HK2: variants seen among roughly 807,000 people sequenced by gnomAD.
HK2 encodes the protein hexokinase 2.
In HK2, 42 loss-of-function variants were observed where a neutral mutation model predicts 92.9. The ratio of observed to expected loss-of-function variants is 0.45; its 90% CI spans 0.35 to 0.58. The LOEUF (loss-of-function observed/expected upper bound fraction) is 0.58. Ranked by LOEUF, HK2 falls within the 20% of genes least tolerant of loss-of-function variation. The probability of loss-of-function intolerance (pLI) is 0.00; values close to 1 mark genes in which losing one functional copy is unlikely to be tolerated. For synonymous variants in HK2, 422 were observed against 468.0 expected, an observed-to-expected ratio of 0.90 and a Z score of 1.27; for missense variants, 978 against 1,245.1, an observed-to-expected ratio of 0.79 and a Z score of 3.23.
intron 8 of HK2, among the ~76,000 whole-genome samples, chr2:74,877,888 T>C (rs1689272913): frequency 6.6e-6 from 1 of 152,214 alleles, no homozygotes; most frequent in Non-Finnish European, 1.5e-5. Flanking sequence ...GGGCCTCGTT[T>C]ACTGTTCTTG....
chr2:74,886,063 G>A (rs1689526446), intron 13 of HK2, among the ~76,000 whole-genome samples: 2 of 152,044 alleles, frequency 1.3e-5, no homozygotes, highest in East Asian at 1.9e-4. Flanking sequence ...AGTGAAGTGG[G>A]GTGAGGAGAG....
chr2:74,872,389 G>A lies in HK2; in HGVS notation c.465G>A (p.Ser155=), dbSNP rs61755708. The A allele has an allele frequency of 4.4e-4, 705 of 1,613,890 alleles. 1 individual carries two copies. The highest frequency in any genetic ancestry group is 4.1e-3 in the African/African-American group (307 of 75,006). Residue 155 remains serine (S), a synonymous_variant, in exon 4 of 18, where the codon TCG becomes TCA. Transcript: ENST00000290573. ...DKKLPLGFTF[S]FPCHQTKLDE... is the part of the protein sequence containing the mutation. ...AGCTCCCACTGGGTTTTACCTTCTC[G>A]TTCCCCTGCCACCAGACTAAACTAG...
chr2:74,866,054 C>G (rs997739778), intron 2 of HK2, among the ~76,000 whole-genome samples: 1 of 152,064 alleles, frequency 6.6e-6, no homozygotes. Flanking sequence ...GCTCCAGAGC[C>G]AGTCTCCGTG....
At chr2:74,883,813 A>G (rs529824614) in intron 12 of HK2, among the ~76,000 whole-genome samples, 2 of 152,370 alleles carry the variant, frequency 1.3e-5, no homozygotes, top group African/African-American at 4.8e-5. Flanking sequence ...CAAAGATATT[A>G]GAAACAAACT....
At chr2:74,872,455 C>G (rs1401666858) in intron 4 of HK2, 36 bp downstream of exon 4, 5 of 1,613,040 alleles carry the variant, frequency 3.1e-6, no homozygotes, top group Non-Finnish European at 4.2e-6. Flanking sequence ...TTGCTTCACT[C>G]TTGGGGCTGG....
rs1450816006 is a variant in HK2 at position 74,892,692 on chromosome 2, T to G, written c.*1751T>G. 6.6e-6 allele frequency: 1 copy of G among 152,220 alleles called. No individual in the cohort carries two copies. Among genetic ancestry groups the G allele is most frequent in the Non-Finnish European group, 1.5e-5 (1 of 68,046 alleles). 9.4% of individuals were successfully genotyped at this position (152,220 alleles called of 1,614,324 possible). A position where few individuals can be genotyped will look rare whatever the true frequency, so the allele number is the denominator to read the frequency against. On this transcript the variant is annotated 3_prime_UTR_variant, in exon 18 of 18. Transcript: ENST00000290573. ...AACTCACGATGAAATTGAACCTGGT[T>G]TTTGTATATTTATCAAACTTGTGCT...
In HK2 at chr2:74,886,111, A is replaced by G. The variant is rs1689528350; in HGVS notation, c.1936-183A>G. On this transcript the variant is annotated intron_variant, in intron 13 of 17. Transcript: ENST00000290573. ...GTGTGCTGGAAAGGGGCACTGTTAA[A>G]TAGCACAACTTGGGAGGGTCTCACC... Among the ~76,000 whole-genome samples, 4 of 152,270 alleles carry G rather than the reference A, an allele frequency of 2.6e-5. 1 individual carries two copies. In the South Asian group the frequency reaches 8.3e-4, roughly 32 times the overall value.
chr2:74,866,178 T>C (rs1688944531), intron 2 of HK2, among the ~76,000 whole-genome samples: 1 of 152,074 alleles, frequency 6.6e-6, no homozygotes, highest in East Asian at 1.9e-4. Flanking sequence ...GCTGGTCAGA[T>C]GTGACTTTTC....
chr2:74,881,984 G>C, intron 11 of HK2, 125 bp downstream of exon 11: 3 of 1,404,560 alleles, frequency 2.1e-6, no homozygotes, highest in Non-Finnish European at 3.0e-6. Context: ...GCTGCAGCCT[G>C]GTCTTGACTC....
intron 4 of HK2, among the ~76,000 whole-genome samples, 156 bp downstream of exon 4, chr2:74,872,575 G>T (rs185371448): frequency 1.4e-5 from 2 of 140,182 alleles, no homozygotes; most frequent in African/African-American, 5.2e-5. Flanking sequence ...TCGATGGGGG[G>T]GCTGGTGAAG....
intron 2 of HK2, among the ~76,000 whole-genome samples, chr2:74,863,936 C>G (rs1248579316): frequency 1.3e-5 from 2 of 152,232 alleles, no homozygotes; most frequent in Non-Finnish European, 2.9e-5. Context: ...ATGCCTCAGG[C>G]ATTGAGTGAC....
chr2:74,889,240 C>G lies in HK2; in HGVS notation c.2376-5C>G. On this transcript the variant is annotated splice_polypyrimidine_tract_variant and splice_region_variant and intron_variant, in intron 16 of 17. Transcript: ENST00000290573. ...TGAACACTTGCTGTCTCCCTCCCACCCCAGTGACTGCCTGGCCCTGCTGCA... is the reference window on the plus strand; with the variant it reads ...TGAACACTTGCTGTCTCCCTCCCACGCCAGTGACTGCCTGGCCCTGCTGCA... 6.2e-7 allele frequency: 1 copy of G among 1,611,532 alleles called. No homozygotes were observed.
intron 1 of HK2, 29 bp from the exon 2 acceptor site, chr2:74,854,264 T>A (rs1405151436): frequency 6.2e-7 from 1 of 1,610,228 alleles, no homozygotes; most frequent in South Asian, 1.1e-5. Context: ...TAACCAGTGG[T>A]TTCTGCTCTT....
At chr2:74,873,797 G>A (rs376999413) in intron 5 of HK2, 47 bp from the exon 6 acceptor site, 36 of 1,311,108 alleles carry the variant, frequency 2.7e-5, no homozygotes, top group African/African-American at 1.0e-4. Context: ...TAGGAAAGTC[G>A]CCCTCTGTGA....
chr2:74,882,284 T>C (rs1234635851), intron 12 of HK2, 45 bp downstream of exon 12: 12 of 1,612,492 alleles, frequency 7.4e-6, no homozygotes, highest in Non-Finnish European at 9.3e-6. Flanking sequence ...CTTTATTGAC[T>C]CTAAACAAAA....
intron 2 of HK2, among the ~76,000 whole-genome samples, chr2:74,860,350 C>T (rs935158654): frequency 1.3e-5 from 2 of 152,094 alleles, no homozygotes; most frequent in Non-Finnish European, 2.9e-5. Flanking sequence ...TAAAAAAAAC[C>T]TCCATCAAGA....
At chr2:74,843,033 T>A (rs940198475) in intron 1 of HK2, among the ~76,000 whole-genome samples, 5 of 152,188 alleles carry the variant, frequency 3.3e-5, no homozygotes, top group Non-Finnish European at 7.4e-5. Flanking sequence ...AAATACTTGC[T>A]CACTCATCCT....
intron 15 of HK2, 48 bp from the exon 16 acceptor site, chr2:74,887,855 T>A (rs1242735046): frequency 1.3e-6 from 2 of 1,597,370 alleles, no homozygotes; most frequent in Admixed American, 1.7e-5. Context: ...TCTCAACACA[T>A]CCCTCCACCT....
At chr2:74,843,752 A>AC (rs1248079823) in intron 1 of HK2, among the ~76,000 whole-genome samples, 1 of 152,146 alleles carries the variant, frequency 6.6e-6, no homozygotes, top group African/African-American at 2.4e-5. Context: ...AGCCAGATGA[A>AC]CCATCTGACA....
Sources: gnomAD v4.1 joint callset for allele counts (sites outside exome capture counted in the v4.1 genomes callset) on GRCh38, gnomAD v4.1.1 for gene constraint, MANE v1.5 for transcripts, NCBI Gene and HGNC (gene_info 2026-07-23, HGNC 2026-07-21) for gene names.